Variants in CDH13 observed in about 807,000 individuals in gnomAD.
CDH13 encodes the protein cadherin 13, also known as cadherin-13.
Under a neutral mutation model 63.8 loss-of-function variants are expected in CDH13, and 24 were observed. The ratio of observed to expected loss-of-function variants is 0.38; its 90% confidence interval spans 0.27 to 0.53. CDH13 has a LOEUF of 0.53. Ranked by LOEUF, CDH13 falls within the 20% of genes least tolerant of loss-of-function variation. The pLI, the probability that CDH13 is intolerant of heterozygous loss-of-function variation, is 0.85. For synonymous variants in CDH13, 503 were observed against 355.3 expected (o/e 1.42, Z -4.67); for missense variants, 1,049 against 903.1 (o/e 1.16, Z -2.07).
chr16:83,620,171 T>C (rs564597141), intron 8 of CDH13, among the ~76,000 whole-genome samples: 2 of 151,942 alleles, frequency 1.3e-5, no homozygotes, highest in African/African-American at 4.8e-5. Context: ...GGTGGGTGGA[T>C]CACGAGGTCA....
chr16:83,435,394 A>G (rs1009835578), intron 6 of CDH13, among the ~76,000 whole-genome samples: 7 of 151,974 alleles, frequency 4.6e-5, no homozygotes, highest in African/African-American at 1.7e-4. Context: ...TTTTTTCCAA[A>G]CACTGCAATC....
intron 2 of CDH13, among the ~76,000 whole-genome samples, chr16:82,969,431 C>T (rs1007975460): frequency 2.6e-5 from 4 of 151,388 alleles, no homozygotes; most frequent in Non-Finnish European, 5.9e-5. Flanking sequence ...TAGCTGAATA[C>T]CTGCCTTAGG....
At chr16:83,470,681 C>G (rs984888378) in intron 6 of CDH13, among the ~76,000 whole-genome samples, 41 of 152,188 alleles carry the variant, frequency 2.7e-4, no homozygotes, top group African/African-American at 9.7e-4. Flanking sequence ...GCAGCCACCA[C>G]AACCACAGGC....
chr16:83,078,332 A>G (rs970589551), intron 3 of CDH13, among the ~76,000 whole-genome samples: 1 of 152,160 alleles, frequency 6.6e-6, no homozygotes, highest in Non-Finnish European at 1.5e-5. Context: ...ATTTTTCCAC[A>G]TATTGGGGAC....
intron 6 of CDH13, among the ~76,000 whole-genome samples, chr16:83,382,390 G>A (rs2091584498): frequency 6.6e-6 from 1 of 152,110 alleles, no homozygotes; most frequent in Non-Finnish European, 1.5e-5. Context: ...TATTTTAAAT[G>A]TACAGAAAAG....
At chr16:83,158,172 C>A (rs552248438) in intron 4 of CDH13, among the ~76,000 whole-genome samples, 1 of 152,182 alleles carries the variant, frequency 6.6e-6, no homozygotes, top group African/African-American at 2.4e-5. Flanking sequence ...CCCACTCCCC[C>A]CGGACAACAA....
chr16:83,379,292 G>A (rs572113690), intron 6 of CDH13, among the ~76,000 whole-genome samples: 1 of 152,276 alleles, frequency 6.6e-6, no homozygotes, highest in East Asian at 1.9e-4. Context: ...TACGAAGCTT[G>A]AGTCAAGAAC....
At chr16:83,662,174 C>G (rs1354042624) in intron 8 of CDH13, among the ~76,000 whole-genome samples, 1 of 152,080 alleles carries the variant, frequency 6.6e-6, no homozygotes, top group Admixed American at 6.5e-5. Context: ...GATGCTATTC[C>G]TTATTATTTT....
intron 6 of CDH13, among the ~76,000 whole-genome samples, chr16:83,411,021 C>G (rs926667787): frequency 6.6e-6 from 1 of 152,172 alleles, no homozygotes; most frequent in Non-Finnish European, 1.5e-5. Flanking sequence ...CTTTTTCTCT[C>G]CCATATCCAG....
At chr16:82,890,175 G>A (rs543834748) in intron 2 of CDH13, among the ~76,000 whole-genome samples, 6 of 152,342 alleles carry the variant, frequency 3.9e-5, no homozygotes, top group Non-Finnish European at 8.8e-5. Flanking sequence ...GAATTTTGAT[G>A]TAGGCTTGTA....
At chr16:82,763,915 C>T (rs938981468) in intron 1 of CDH13, among the ~76,000 whole-genome samples, 1 of 152,162 alleles carries the variant, frequency 6.6e-6, no homozygotes, top group African/African-American at 2.4e-5. Context: ...TCAAGCAATC[C>T]ATCTTCCTTG....
intron 11 of CDH13, among the ~76,000 whole-genome samples, chr16:83,749,738 A>G (rs1260521486): frequency 6.6e-6 from 1 of 152,146 alleles, no homozygotes; most frequent in Non-Finnish European, 1.5e-5. Flanking sequence ...CAGAGGGCTC[A>G]TGAATTATTT....
intron 1 of CDH13, among the ~76,000 whole-genome samples, chr16:82,815,667 T>A (rs2037668798): frequency 6.6e-6 from 1 of 152,140 alleles, no homozygotes; most frequent in Admixed American, 6.5e-5. Flanking sequence ...TCTTTTCCAG[T>A]CTCCACAGGG....
rs1460905600 is a variant in CDH13 at position 82,985,879 on chromosome 16, T to C, written c.158-46131T>C. ...TTTAAAAGCACATAGCACCTCCCTCTTTGCTCTGTCTTGCACCTGCTCTGG... is the reference window on the plus strand; with the variant it reads ...TTTAAAAGCACATAGCACCTCCCTCCTTGCTCTGTCTTGCACCTGCTCTGG... On this transcript the variant is annotated intron_variant, in intron 2 of 13. Transcript: ENST00000567109. Among the ~76,000 whole-genome samples the C allele has an allele frequency of 2.0e-5, 3 of 152,096 alleles. No individual in the cohort carries two copies. In the East Asian group the frequency reaches 5.8e-4, roughly 29 times the overall value.
At chr16:83,362,155 A>G (rs1000767993) in intron 6 of CDH13, among the ~76,000 whole-genome samples, 7 of 152,180 alleles carry the variant, frequency 4.6e-5, no homozygotes, top group African/African-American at 1.7e-4. Flanking sequence ...GTTTAAAAAA[A>G]TCTGGTTTCT....
At chr16:83,288,742 A>T (rs2151863272) in intron 5 of CDH13, among the ~76,000 whole-genome samples, 1 of 152,376 alleles carries the variant, frequency 6.6e-6, no homozygotes, top group Non-Finnish European at 1.5e-5. Context: ...TTCATAAAGC[A>T]CAAGTGGACA....
intron 6 of CDH13, among the ~76,000 whole-genome samples, chr16:83,468,389 C>A (rs755558319): frequency 6.6e-6 from 1 of 152,156 alleles, no homozygotes; most frequent in Non-Finnish European, 1.5e-5. Context: ...GAAGAGACCT[C>A]CCCTAGAGTG....
intron 2 of CDH13, among the ~76,000 whole-genome samples, chr16:82,886,087 G>T (rs2040878054): frequency 6.6e-6 from 1 of 151,960 alleles, no homozygotes; most frequent in African/African-American, 2.4e-5. Context: ...TTATGTTACT[G>T]ATATCCATCT....
chr16:83,187,933 G>A (rs1289916549), intron 4 of CDH13, among the ~76,000 whole-genome samples: 4 of 152,134 alleles, frequency 2.6e-5, no homozygotes, highest in Non-Finnish European at 1.5e-5. Context: ...GCATCTATCT[G>A]GGGGCTGAGC....
Sources: allele counts gnomAD v4.1 joint callset (sites outside exome capture counted in the v4.1 genomes callset), GRCh38; gene constraint gnomAD v4.1.1; transcripts MANE v1.5; gene names NCBI Gene and HGNC (gene_info 2026-07-23, HGNC 2026-07-21).